The following GALNTL6 variants were observed in gnomAD, a reference collection of about 807,000 sequenced individuals.
GALNTL6 encodes polypeptide N-acetylgalactosaminyltransferase like 6.
GALNTL6 carries 46 observed loss-of-function variants against 73.7 expected under a neutral mutation model. The observed-to-expected ratio is 0.62, with a 90% CI of 0.49 to 0.80. The LOEUF is 0.80. GALNTL6 is among the 30% of genes least tolerant of loss of function. The pLI, the probability that GALNTL6 is intolerant of heterozygous loss-of-function variation, is 0.00. For synonymous variants in GALNTL6, 259 were observed against 263.7 expected (o/e 0.98, Z 0.17); for missense variants, 604 against 755.0 (o/e 0.80, Z 2.34).
chr4:171,838,298 T>G (rs1040097784), intron 2 of GALNTL6, among the ~76,000 whole-genome samples: 1 of 151,860 alleles, frequency 6.6e-6, no homozygotes, highest in Admixed American at 6.6e-5. Flanking sequence ...TAAGTTTGAA[T>G]TTTTGGTAGA....
At chr4:172,204,958 C>G (rs577871099) in intron 2 of GALNTL6, among the ~76,000 whole-genome samples, 8 of 152,252 alleles carry the variant, frequency 5.3e-5, no homozygotes, top group Non-Finnish European at 1.0e-4. Flanking sequence ...GTCCCAGGTA[C>G]TACTAATTCT....
chr4:172,928,822 T>A (rs1436924826), intron 8 of GALNTL6, among the ~76,000 whole-genome samples: 1 of 152,158 alleles, frequency 6.6e-6, no homozygotes, highest in African/African-American at 2.4e-5. Flanking sequence ...AACTTTAAAA[T>A]TCCCCTTAGA....
Position 172,809,295 on chromosome 4 carries a change from C to T in GALNTL6, c.554-66C>T. The T allele has an allele frequency of 7.7e-7, 1 of 1,303,000 alleles. No individual in the cohort carries two copies. Among genetic ancestry groups the T allele is most frequent in the Non-Finnish European group, 1.1e-6 (1 of 910,180 alleles). 80.7% of individuals were successfully genotyped at this position (1,303,000 alleles called of 1,614,324 possible). ...TCACATACTCTCTATGCACAAACAA[C>T]CGTGAATAATTCAGCTGCAACTAAT... On this transcript the variant is annotated intron_variant, in intron 5 of 12. Coordinates refer to ENST00000506823, the MANE Select transcript of GALNTL6 (RefSeq NM_001034845.3). The surrounding 1 kb of genome is among the most constrained non-coding windows in gnomAD (Gnocchi z 4.4).
intron 5 of GALNTL6, among the ~76,000 whole-genome samples, chr4:172,764,413 A>C (rs1288791691): frequency 6.6e-6 from 1 of 152,142 alleles, no homozygotes; most frequent in Non-Finnish European, 1.5e-5. Flanking sequence ...TCATGCTAGA[A>C]TCTATCTTAA....
intron 5 of GALNTL6, among the ~76,000 whole-genome samples, chr4:172,736,277 G>A (rs1326800458): frequency 6.6e-6 from 1 of 152,152 alleles, no homozygotes. Context: ...CTCCCAGAGC[G>A]ACTATTTTAG....
At chr4:171,973,737 C>T (rs78278976) in intron 2 of GALNTL6, among the ~76,000 whole-genome samples, 3,549 of 152,180 alleles carry the variant, frequency 0.023, 150 homozygotes, top group African/African-American at 0.081. Context: ...AGTGTTAAAA[C>T]TTTTGCATTA....
chr4:172,859,514 G>A (rs1744286571), intron 7 of GALNTL6, among the ~76,000 whole-genome samples: 1 of 151,746 alleles, frequency 6.6e-6, no homozygotes, highest in African/African-American at 2.4e-5. Context: ...ACAGGGGAGA[G>A]GAAATTCCTT....
chr4:172,651,892 T>A (rs1740491177), intron 5 of GALNTL6, among the ~76,000 whole-genome samples: 1 of 152,154 alleles, frequency 6.6e-6, no homozygotes, highest in Admixed American at 6.6e-5. Flanking sequence ...CTCACACCAA[T>A]CTGCAACTCC....
intron 8 of GALNTL6, among the ~76,000 whole-genome samples, chr4:172,918,961 C>T (rs1268109697): frequency 6.6e-6 from 1 of 152,102 alleles, no homozygotes; most frequent in African/African-American, 2.4e-5. Context: ...GTGAAAACAT[C>T]TTCATATTTA....
At chr4:172,806,389 T>C (rs1404398091) in intron 5 of GALNTL6, among the ~76,000 whole-genome samples, 2 of 152,032 alleles carry the variant, frequency 1.3e-5, no homozygotes, top group Admixed American at 6.6e-5. Context: ...TATCAGAAAA[T>C]GTGTACAGAA....
chr4:172,407,186 A>G (rs772574614), intron 5 of GALNTL6, among the ~76,000 whole-genome samples: 9 of 152,064 alleles, frequency 5.9e-5, no homozygotes, highest in Admixed American at 1.3e-4. Flanking sequence ...CTTCAAATCA[A>G]TCTTTTAATT....
At chr4:172,313,977 G>A (rs1299435492) in intron 4 of GALNTL6, among the ~76,000 whole-genome samples, 2 of 152,166 alleles carry the variant, frequency 1.3e-5, no homozygotes, top group African/African-American at 4.8e-5. Flanking sequence ...CCACCTGCAG[G>A]AAACGGAGAG....
At chr4:172,700,709 A>G (rs1190680195) in intron 5 of GALNTL6, among the ~76,000 whole-genome samples, 1 of 152,208 alleles carries the variant, frequency 6.6e-6, no homozygotes, top group Non-Finnish European at 1.5e-5. Flanking sequence ...AATCATTAAC[A>G]TTCCTGACAT....
intron 10 of GALNTL6, among the ~76,000 whole-genome samples, chr4:172,998,475 C>T (rs948944713): frequency 6.6e-6 from 1 of 152,244 alleles, no homozygotes; most frequent in Middle Eastern, 3.4e-3. Context: ...CTGCTTTTCT[C>T]CTGTATATAT....
At chr4:172,052,461 G>C (rs1161864905) in intron 2 of GALNTL6, 13 of 1,535,182 alleles carry the variant, frequency 8.5e-6, no homozygotes, top group Non-Finnish European at 1.1e-5. Context: ...GCCAAGTTCA[G>C]AGCCGGAGCT....
At chr4:172,385,440 G>A (rs1046814577) in intron 5 of GALNTL6, among the ~76,000 whole-genome samples, 1 of 151,928 alleles carries the variant, frequency 6.6e-6, no homozygotes, top group Non-Finnish European at 1.5e-5. Context: ...TTTGCTGTGT[G>A]TACTTTGAGA....
At chr4:171,892,085 A>G (rs1469737510) in intron 2 of GALNTL6, among the ~76,000 whole-genome samples, 1 of 152,210 alleles carries the variant, frequency 6.6e-6, no homozygotes, top group East Asian at 1.9e-4. Flanking sequence ...TCATGCACAC[A>G]ATTATTTAAA....
chr4:172,884,713 GT>G (rs1311595490), intron 8 of GALNTL6, among the ~76,000 whole-genome samples: 6 of 152,110 alleles, frequency 3.9e-5, no homozygotes, highest in African/African-American at 1.2e-4. Context: ...GTCCTGTAGT[GT>G]TTCCCCAGCA....
intron 7 of GALNTL6, among the ~76,000 whole-genome samples, chr4:172,841,348 C>A (rs546477823): frequency 6.6e-6 from 1 of 152,170 alleles, no homozygotes; most frequent in African/African-American, 2.4e-5. Context: ...TTCTACAAAT[C>A]AATACTATCG....
Sources: allele counts gnomAD v4.1 joint callset (sites outside exome capture counted in the v4.1 genomes callset), GRCh38; gene constraint gnomAD v4.1.1; non-coding constraint Gnocchi (gnomAD v3.1); transcripts MANE v1.5; gene names NCBI Gene and HGNC (gene_info 2026-07-23, HGNC 2026-07-21).